ZKSCAN7: variants seen among roughly 807,000 people sequenced by gnomAD.
ZKSCAN7 encodes zinc finger protein with KRAB and SCAN domains 7.
Under a neutral mutation model 65.3 loss-of-function variants are expected in ZKSCAN7, and 38 were observed. That is an observed-to-expected ratio of 0.58 (90% CI 0.45 to 0.76). The LOEUF (loss-of-function observed/expected upper bound fraction) is 0.76. ZKSCAN7 is among the 30% of genes least tolerant of loss of function. The probability of loss-of-function intolerance (pLI) is 0.00; values close to 1 mark genes in which losing one functional copy is unlikely to be tolerated. For missense variants in ZKSCAN7, 815 were observed against 913.3 expected (o/e 0.89, Z 1.39); for synonymous variants, 321 against 321.0 (o/e 1.00, Z 0.00).
At position 44,570,037 on chromosome 3, in the gene ZKSCAN7, AG is replaced by A; in HGVS notation, c.928del (p.Glu310ArgfsTer13). ...GLFGVVPGAA[E>X]TGDVCEDTFK... ...TCTTTGGGGTGGTTCCTGGGGCAGC[AG>A]AGACTGGAGATGTTTGTGAAGATAC... On this transcript the variant is annotated frameshift_variant, in exon 6 of 6. Transcript: ENST00000426540. LOFTEE classifies it high-confidence loss of function. 6.2e-7 allele frequency: 1 copy of A among 1,614,038 alleles called. No homozygotes were observed. Among genetic ancestry groups the A allele is most frequent in the Non-Finnish European group, 8.5e-7 (1 of 1,179,988 alleles).
chr3:44,568,314 T>G lies in ZKSCAN7; in HGVS notation c.692T>G (p.Val231Gly). ...VLRMVRPQDT[V>G]AYEDLSVDYT... is the part of the protein sequence containing the mutation. ...TGGAGCTTGTCATTCCAGGATACTG[T>G]GGCATATGAGGACCTATCTGTAGAC... Residue 231 changes from valine (V) to glycine (G), a missense_variant, in exon 5 of 6, where the codon GTG (valine) becomes GGG (glycine). Physicochemically the swap from Val to Gly is moderately radical, Grantham distance 109 (BLOSUM62 -3). Coordinates refer to ENST00000426540, the MANE Select transcript of ZKSCAN7 (RefSeq NM_001288590.2). 1 of 1,612,480 alleles carries G rather than the reference T, an allele frequency of 6.2e-7. No individual in the cohort carries two copies. Among genetic ancestry groups the G allele is most frequent in the Non-Finnish European group, 8.5e-7 (1 of 1,179,406 alleles).
intron 5 of ZKSCAN7, among the ~76,000 whole-genome samples, chr3:44,581,315 C>T (rs1411321994): frequency 9.3e-5 from 14 of 150,776 alleles, no homozygotes; most frequent in Admixed American, 2.0e-4. Context: ...TCTCAAGCTC[C>T]GGTCGCCGCC....
chr3:44,579,989 A>C, intron 5 of ZKSCAN7: 1 of 1,574,736 alleles, frequency 6.4e-7, no homozygotes, highest in Non-Finnish European at 8.7e-7. Flanking sequence ...GGGGGGCTTC[A>C]TTGGTGAAGT....
exon 6 of ZKSCAN7, chr3:44,583,208 G>T (rs140751247): frequency 0.023 from 5,592 of 245,952 alleles, 90 homozygotes; most frequent in Non-Finnish European, 0.032. Context: ...GATTACAGGC[G>T]TGAGCCACCA....
At chr3:44,565,451 G>A in intron 2 of ZKSCAN7, 36 bp from the exon 3 acceptor site, 17 of 1,550,620 alleles carry the variant, frequency 1.1e-5, no homozygotes, top group Non-Finnish European at 1.5e-5. Context: ...CTTCAAGGAT[G>A]CTCTTTTGAA....
At chr3:44,577,940 G>A (rs919380268) in intron 5 of ZKSCAN7, among the ~76,000 whole-genome samples, 2 of 152,188 alleles carry the variant, frequency 1.3e-5, no homozygotes, top group Non-Finnish European at 2.9e-5. Flanking sequence ...TCAAGTCCCT[G>A]GATTCAAAGA....
chr3:44,573,164 T>C (rs959976004), downstream of ZKSCAN7, among the ~76,000 whole-genome samples: 1 of 152,254 alleles, frequency 6.6e-6, no homozygotes, highest in South Asian at 2.1e-4. Context: ...TTTTCTGTCC[T>C]TCTGCCATCA....
rs145248830 is a variant in ZKSCAN7 at position 44,557,151 on chromosome 3, C to G, written c.104C>G (p.Thr35Ser). The G allele has an allele frequency of 3.1e-6, 5 of 1,614,160 alleles. No individual in the cohort carries two copies. In the African/African-American group the frequency reaches 6.7e-5, roughly 22 times the overall value. The change falls in exon 2 of 6, where the codon ACC becomes AGC. Residue 35 changes from threonine (T) to serine (S), a missense_variant. Around this residue, in one of 3 missense-constraint regions of ZKSCAN7, gnomAD observed 227 missense variants for 253.3 expected, o/e 0.90. Coordinates refer to ENST00000426540, the MANE Select transcript of ZKSCAN7 (RefSeq NM_001288590.2). The stretch of plus-strand genomic sequence containing the variant: ...GTGAAGCAGGAGCCAGCAAACCAGA[C>G]CTGGGGGCAGGGCAGCAGTCTCCAG... ...LTVKQEPANQ[T>S]WGQGSSLQKN...
chr3:44,565,998 T>C (rs560782718), intron 3 of ZKSCAN7, among the ~76,000 whole-genome samples: 2 of 152,344 alleles, frequency 1.3e-5, no homozygotes, highest in African/African-American at 4.8e-5. Context: ...GAATGATATC[T>C]ATCCTCAAGC....
chr3:44,557,313 C>T lies in ZKSCAN7; in HGVS notation c.266C>T (p.Thr89Ile). The T allele has an allele frequency of 6.2e-7, 1 of 1,614,266 alleles. No homozygotes were observed. The highest frequency in any genetic ancestry group is 8.5e-7 in the Non-Finnish European group (1 of 1,180,046). The change falls in exon 2 of 6, where the codon ACC becomes ATC. Residue 89 changes from threonine to isoleucine, a missense_variant. Coordinates refer to ENST00000426540, the MANE Select transcript of ZKSCAN7 (RefSeq NM_001288590.2). ...TGGTGGCTCATGCCAGAGGTGCACACCAAGGAGCAGATCCTGGAGCTGCTG... is the reference window on the plus strand; with the variant it reads ...TGGTGGCTCATGCCAGAGGTGCACATCAAGGAGCAGATCCTGGAGCTGCTG... ...CRWWLMPEVHTKEQILELLVL... is the reference protein window; with the variant it reads ...CRWWLMPEVHIKEQILELLVL...
rs751019553 is a variant in ZKSCAN7 at position 44,571,000 on chromosome 3, G to A, written c.1890G>A (p.Thr630=). ...KCLIRHQRLH[T]GEKPYKCNEC... ...TTATTCGGCACCAGAGACTTCACAC[G>A]GGTGAAAAGCCCTATAAATGCAATG... Residue 630 remains threonine, a synonymous_variant, in exon 6 of 6, where the codon ACG becomes ACA. Transcript: ENST00000426540. The A allele has an allele frequency of 1.1e-5, 18 of 1,613,854 alleles. No homozygotes were observed. The highest frequency in any genetic ancestry group is 1.4e-5 in the Non-Finnish European group (17 of 1,180,000).
intron 2 of ZKSCAN7, among the ~76,000 whole-genome samples, chr3:44,562,264 T>C (rs571395682): frequency 1.3e-5 from 2 of 152,350 alleles, no homozygotes; most frequent in South Asian, 4.1e-4. Context: ...TTGGCCTCTT[T>C]TAGCCACAGC....
chr3:44,578,991 C>A, intron 5 of ZKSCAN7, among the ~76,000 whole-genome samples: 1 of 152,352 alleles, frequency 6.6e-6, no homozygotes, highest in South Asian at 2.1e-4. Context: ...TGCTCCAGCT[C>A]CTTCTTGAGC....
At chr3:44,558,781 C>CCTT (rs1559422610) in intron 2 of ZKSCAN7, among the ~76,000 whole-genome samples, 1 of 74,334 alleles carries the variant, frequency 1.3e-5, no homozygotes. Context: ...CTTTCTTCTT[C>CCTT]ATTTTTTTTT....
rs35642284 is a variant in ZKSCAN7 at position 44,577,281 on chromosome 3, CT to C, written c.812-5680del. The stretch of plus-strand genomic sequence containing the variant: ...CCATGCCCAGCCCAAATAACCAATT[CT>C]TTTTTTTTTTGTTTTTTTTTAGGAA... On this transcript the variant is annotated intron_variant, in intron 5 of 5. Transcript: ENST00000341840. Among the ~76,000 whole-genome samples, 133 of 146,776 alleles carry C rather than the reference CT, an allele frequency of 9.1e-4. 2 individuals carry two copies. In the South Asian group the frequency reaches 0.021, roughly 23 times the overall value.
chr3:44,580,451 T>C (rs1559434861), intron 5 of ZKSCAN7: 1 of 1,602,968 alleles, frequency 6.2e-7, no homozygotes, highest in Non-Finnish European at 8.5e-7. Context: ...TGGTGGGGAC[T>C]TTCTCAGCAC....
chr3:44,569,012 C>T (rs184444550), intron 5 of ZKSCAN7, among the ~76,000 whole-genome samples: 12 of 152,356 alleles, frequency 7.9e-5, no homozygotes, highest in East Asian at 1.9e-4. Flanking sequence ...TCTCTCCATG[C>T]GCCACTTCAG....
intron 4 of ZKSCAN7, 112 bp from the exon 5 acceptor site, chr3:44,568,195 C>T (rs1699688701): frequency 1.3e-6 from 2 of 1,547,224 alleles, no homozygotes; most frequent in East Asian, 2.3e-5. Context: ...CTCAGCTCCT[C>T]TCTCCCATAC....
chr3:44,570,033 C>A lies in ZKSCAN7; in HGVS notation c.923C>A (p.Ala308Glu). The A allele has an allele frequency of 6.2e-7, 1 of 1,613,760 alleles. No individual in the cohort carries two copies. Among genetic ancestry groups the A allele is most frequent in the Non-Finnish European group, 8.5e-7 (1 of 1,179,940 alleles). The part of the protein sequence containing the change: ...SGGLFGVVPG[A>E]AETGDVCEDT... Reference sequence around the variant, plus strand: ...GGACTCTTTGGGGTGGTTCCTGGGGCAGCAGAGACTGGAGATGTTTGTGAA... The same window carrying A: ...GGACTCTTTGGGGTGGTTCCTGGGGAAGCAGAGACTGGAGATGTTTGTGAA... Residue 308 changes from alanine to glutamate, a missense_variant, in exon 6 of 6, where the codon GCA becomes GAA. Ala to Glu is a moderately radical substitution (Grantham distance 107, BLOSUM62 -1). Transcript: ENST00000426540.
Sources: allele counts gnomAD v4.1 joint callset (sites outside exome capture counted in the v4.1 genomes callset), GRCh38; gene constraint gnomAD v4.1.1; regional missense constraint gnomAD v4.1.1; transcripts MANE v1.5; gene names NCBI Gene and HGNC (gene_info 2026-07-23, HGNC 2026-07-21).